The following GIT2 variants were observed in gnomAD, a reference collection of about 807,000 sequenced individuals.
GIT2 encodes ARF GTPase-activating protein GIT2.
Under a neutral mutation model 100.3 loss-of-function variants are expected in GIT2, and 32 were observed. That is an observed-to-expected ratio of 0.32 (90% CI 0.24 to 0.43). The LOEUF is 0.43. Ranked by LOEUF, GIT2 falls within the 20% of genes least tolerant of loss-of-function variation. The pLI is 1.00. For synonymous variants in GIT2, 353 were observed against 364.1 expected (o/e 0.97, Z 0.35); for missense variants, 737 against 975.1 (o/e 0.76, Z 3.25).
In GIT2 at chr12:109,932,981, G is replaced by C; in HGVS notation, c.2277C>G (p.Asn759Lys). 1 of 1,595,476 alleles carries C rather than the reference G, an allele frequency of 6.3e-7. No individual in the cohort carries two copies. Among genetic ancestry groups the C allele is most frequent in the South Asian group, 1.1e-5 (1 of 90,618 alleles). The change falls in exon 20 of 20, where the codon AAC (asparagine) becomes AAG (lysine). Residue 759 changes from asparagine to lysine, a missense_variant. Asn to Lys is a moderately conservative substitution (Grantham distance 94). Around this residue, in one of 3 missense-constraint regions of GIT2, gnomAD observed 451 missense variants for 543.7 expected, o/e 0.83. Transcript: ENST00000355312. ...LVTITTKENNN is the reference protein window; with the variant it reads ...LVTITTKENNK ...AGGAGGCGGTGCCCTGCCCTTGTCA[G>C]TTGTTGTTCTCTTTGGTGGTGATGG...
intron 18 of GIT2, among the ~76,000 whole-genome samples, chr12:109,937,993 G>A (rs1369557470): frequency 6.6e-6 from 1 of 152,134 alleles, no homozygotes; most frequent in African/African-American, 2.4e-5. Flanking sequence ...GTGAGCCACT[G>A]TGCCCAGCCC....
intron 4 of GIT2, among the ~76,000 whole-genome samples, chr12:109,988,632 C>A (rs1887828098): frequency 6.6e-6 from 1 of 152,044 alleles, no homozygotes. Flanking sequence ...GCAGACGGAT[C>A]ACCTGAGCTC....
chr12:109,965,513 G>A lies in GIT2; in HGVS notation c.816+13C>T, dbSNP rs753014708. 9.8e-6 allele frequency: 15 copies of A among 1,535,636 alleles called. No homozygotes were observed. The highest frequency in any genetic ancestry group is 2.2e-5 in the East Asian group (1 of 44,508). ...TCTCATACTAGAGAAAACCAGTACA[G>A]AGAAATACTCACAGATTGAAGTTTC... is the stretch of plus-strand genomic sequence containing the variant. On this transcript the variant is annotated intron_variant, in intron 9 of 19. Transcript: ENST00000355312.
At chr12:110,000,062 A>G (rs1889870656), upstream of GIT2, among the ~76,000 whole-genome samples, 1 of 152,212 alleles carries the variant, frequency 6.6e-6, no homozygotes, top group African/African-American at 2.4e-5. Flanking sequence ...CTCAGACGCT[A>G]CGTGCCTTGT....
At chr12:109,950,890 G>C in intron 14 of GIT2, 1 of 314,436 alleles carries the variant, frequency 3.2e-6, no homozygotes, top group Non-Finnish European at 6.0e-6. Context: ...GCCCCATCCA[G>C]GTTTCCAGGA....
At chr12:109,974,858 G>C (rs1203324781) in intron 7 of GIT2, among the ~76,000 whole-genome samples, 2 of 152,154 alleles carry the variant, frequency 1.3e-5, no homozygotes, top group African/African-American at 2.4e-5. Flanking sequence ...TAAAAGATGA[G>C]TGTAGAGTCT....
In GIT2 at chr12:109,962,007, T is replaced by C. The variant is rs1565972292; in HGVS notation, c.817-322A>G. On this transcript the variant is annotated intron_variant, in intron 9 of 19. Coordinates refer to ENST00000355312, the MANE Select transcript of GIT2 (RefSeq NM_057169.5). The surrounding 1 kb of genome is among the most constrained non-coding windows in gnomAD (Gnocchi z 4.3). Reference sequence around the variant, plus strand: ...GTGATATCATCCTGTAAGCCTCCTTTTCTGCACTTAAAAGTGCTTATCAGT... The same window carrying C: ...GTGATATCATCCTGTAAGCCTCCTTCTCTGCACTTAAAAGTGCTTATCAGT... 6.6e-6 allele frequency among the ~76,000 whole-genome samples: 1 copy of C among 152,180 alleles called. No homozygotes were observed. Among genetic ancestry groups the C allele is most frequent in the Non-Finnish European group, 1.5e-5 (1 of 68,040 alleles).
Position 109,988,990 on chromosome 12 carries a change from A to G in GIT2, c.378T>C (p.Asp126=), listed in dbSNP as rs149777853. ...FVHRLPCRDD[D]SVTAKDLSKQ... is the part of the protein sequence containing the mutation. ...TGCTAAGATCTTTGGCAGTCACACTATCGTCATCCCGGCAGGGCAAGCGAT... is the reference window on the plus strand; with the variant it reads ...TGCTAAGATCTTTGGCAGTCACACTGTCGTCATCCCGGCAGGGCAAGCGAT... Residue 126 remains aspartate, a synonymous_variant, in exon 4 of 20, where the codon GAT becomes GAC. Transcript: ENST00000355312. 6.2e-5 allele frequency: 99 copies of G among 1,609,488 alleles called. 1 individual carries two copies. The South Asian group carries it at 6.7e-4, about 11-fold the overall frequency.
At chr12:109,984,028 A>C (rs1030343282) in intron 4 of GIT2, among the ~76,000 whole-genome samples, 1 of 152,152 alleles carries the variant, frequency 6.6e-6, no homozygotes, top group Non-Finnish European at 1.5e-5. Context: ...CATACGACAG[A>C]CCTGAATTTC....
At position 109,933,185 on chromosome 12, in the gene GIT2, G is replaced by A. The variant is rs778158210; in HGVS notation, c.2073C>T (p.Pro691=). ...TEMAALFPKK[P]KSDMVRTSLR... is the part of the protein sequence containing the mutation. Reference sequence around the variant, plus strand: ...GGGAAGTCCTCACCATATCAGACTTGGGTTTCTAAAAGGAAAAAGACAGCC... The same window carrying A: ...GGGAAGTCCTCACCATATCAGACTTAGGTTTCTAAAAGGAAAAAGACAGCC... Residue 691 remains proline, a synonymous_variant, in exon 20 of 20, where the codon CCC becomes CCT. Transcript: ENST00000355312. This position sits in a 1 kb window ranked among gnomAD's most constrained non-coding sequence, Gnocchi z 4.5. 128 of 1,545,998 alleles carry A rather than the reference G, an allele frequency of 8.3e-5. No individual in the cohort carries two copies. Among genetic ancestry groups the A allele is most frequent in the Non-Finnish European group, 1.1e-4 (122 of 1,139,652 alleles).
At chr12:109,981,197 G>A (rs969317648) in intron 6 of GIT2, 151 bp from the exon 7 acceptor site, 27 of 629,412 alleles carry the variant, frequency 4.3e-5, no homozygotes, top group Admixed American at 7.9e-5. Flanking sequence ...GATTTCTGAA[G>A]TCTACTTTGC....
Position 109,988,988 on chromosome 12 carries a change from C to G in GIT2, c.380G>C (p.Ser127Thr). 6.2e-7 allele frequency: 1 copy of G among 1,608,400 alleles called. No individual in the cohort carries two copies. The highest frequency in any genetic ancestry group is 8.5e-7 in the Non-Finnish European group (1 of 1,175,016). The change falls in exon 4 of 20, where the codon AGT becomes ACT. Residue 127 changes from serine to threonine, a missense_variant. Physicochemically the swap from Ser to Thr is moderately conservative, Grantham distance 58. Coordinates refer to ENST00000355312, the MANE Select transcript of GIT2 (RefSeq NM_057169.5). ...CTTGCTAAGATCTTTGGCAGTCACA[C>G]TATCGTCATCCCGGCAGGGCAAGCG... Reference protein sequence around the residue: ...VHRLPCRDDDSVTAKDLSKQL... With the variant: ...VHRLPCRDDDTVTAKDLSKQL...
chr12:109,994,756 G>A (rs1889034612), intron 1 of GIT2, among the ~76,000 whole-genome samples: 1 of 152,170 alleles, frequency 6.6e-6, no homozygotes, highest in African/African-American at 2.4e-5. Flanking sequence ...GAAGTTAGAA[G>A]CTAGACACAT....
Position 109,980,828 on chromosome 12 carries a change from C to G in GIT2, c.718+124G>C, listed in dbSNP as rs147749616. 109 of 678,484 alleles carry G rather than the reference C, an allele frequency of 1.6e-4. No homozygotes were observed. The Admixed American group carries it at 2.4e-3, about 15-fold the overall frequency. The allele number at this position is 678,484 out of a possible 1,614,324, so 42.0% of individuals were successfully genotyped here. On this transcript the variant is annotated intron_variant, in intron 7 of 19. Transcript: ENST00000355312. Reference sequence around the variant, plus strand: ...TGTAGTTATCCTTTCAAATTAAAAGCCATATGTATAGCTTTCTCAGTGATA... The same window carrying G: ...TGTAGTTATCCTTTCAAATTAAAAGGCATATGTATAGCTTTCTCAGTGATA...
Position 109,930,066 on chromosome 12 carries a change from G to C in GIT2, c.*2912C>G, listed in dbSNP as rs1258040642. On this transcript the variant is annotated 3_prime_UTR_variant, in exon 20 of 20. Coordinates refer to ENST00000355312, the MANE Select transcript of GIT2 (RefSeq NM_057169.5). ...TGGAAAGCTCATGGGTGCCATTGAG[G>C]ACAAAAACAGGCGAGTTTTGCTCTT... The C allele has an allele frequency of 6.6e-6, 1 of 152,570 alleles. No homozygotes were observed. The highest frequency in any genetic ancestry group is 1.5e-5 in the Non-Finnish European group (1 of 68,034). 9.5% of individuals were successfully genotyped at this position (152,570 alleles called of 1,614,324 possible). A position where few individuals can be genotyped will look rare whatever the true frequency, so the allele number is the denominator to read the frequency against.
At chr12:109,939,994 A>G (rs1874228345) in intron 16 of GIT2, 1 of 152,232 alleles carries the variant, frequency 6.6e-6, no homozygotes, top group Non-Finnish European at 1.5e-5. Context: ...GAAGGGCCAA[A>G]AAAGCTGGGT....
Position 109,946,531 on chromosome 12 carries a change from T to G in GIT2, c.1641+725A>C, listed in dbSNP as rs552684703. The stretch of plus-strand genomic sequence containing the variant: ...TCCAGAAGAAATATATTTGAAAACC[T>G]TATAACACAGTATGTATCCCAATGC... On this transcript the variant is annotated intron_variant, in intron 15 of 19. Transcript: ENST00000355312. Among the ~76,000 whole-genome samples the G allele has an allele frequency of 1.1e-4, 17 of 152,324 alleles. No homozygotes were observed. The Middle Eastern group carries it at 0.017, about 152-fold the overall frequency.
At chr12:109,986,381 C>T (rs985670827) in intron 4 of GIT2, among the ~76,000 whole-genome samples, 4 of 152,140 alleles carry the variant, frequency 2.6e-5, no homozygotes, top group Admixed American at 6.5e-5. Context: ...CCTGTAGTCC[C>T]GGCACTTTGG....
chr12:109,966,818 C>T (rs1221087265), intron 8 of GIT2, among the ~76,000 whole-genome samples: 2 of 152,170 alleles, frequency 1.3e-5, no homozygotes, highest in Non-Finnish European at 2.9e-5. Context: ...TAGCAATGAA[C>T]TCATCTGCTC....
Sources: gnomAD v4.1 joint callset for allele counts (sites outside exome capture counted in the v4.1 genomes callset) on GRCh38, gnomAD v4.1.1 for gene constraint, gnomAD v4.1.1 regional missense constraint, Gnocchi (gnomAD v3.1) non-coding constraint, MANE v1.5 for transcripts, NCBI Gene and HGNC (gene_info 2026-07-23, HGNC 2026-07-21) for gene names.